PPP1R12B: variants seen among roughly 807,000 people sequenced by gnomAD.
PPP1R12B encodes the protein protein phosphatase 1 regulatory subunit 12B, also known as myosin phosphatase target subunit 2.
PPP1R12B carries 76 observed loss-of-function variants against 126.1 expected under a neutral mutation model. The ratio of observed to expected loss-of-function variants is 0.60; its 90% confidence interval spans 0.50 to 0.73. PPP1R12B has a LOEUF of 0.73. Among genes scored for constraint, PPP1R12B ranks in the 30% least tolerant of loss-of-function variants. The pLI, the probability that PPP1R12B is intolerant of heterozygous loss-of-function variation, is 0.00. For missense variants in PPP1R12B, 1,052 were observed against 1,205.1 expected (o/e 0.87, Z 1.88); for synonymous variants, 356 against 434.7 (o/e 0.82, Z 2.25).
chr1:202,538,368 A>G (rs1166444838), intron 18 of PPP1R12B, among the ~76,000 whole-genome samples: 1 of 152,222 alleles, frequency 6.6e-6, no homozygotes, highest in Non-Finnish European at 1.5e-5. Context: ...AAGATGGAAT[A>G]ATTTCCAGGA....
chr1:202,501,952 G>A (rs1680266938), intron 18 of PPP1R12B: 1 of 985,556 alleles, frequency 1.0e-6, no homozygotes, highest in African/African-American at 1.7e-5. Flanking sequence ...CCTACTCAGA[G>A]TATCAAGATT....
At chr1:202,439,681 T>G in intron 10 of PPP1R12B, 1 of 640,576 alleles carries the variant, frequency 1.6e-6, no homozygotes. Context: ...TTCTCCAAGT[T>G]GGAGGCAGCA....
At chr1:202,429,571 A>T (rs1340792093) in intron 6 of PPP1R12B, among the ~76,000 whole-genome samples, 2 of 152,158 alleles carry the variant, frequency 1.3e-5, no homozygotes, top group Admixed American at 6.5e-5. Flanking sequence ...TTTTGTTCAG[A>T]CTGCAGAATG....
intron 18 of PPP1R12B, among the ~76,000 whole-genome samples, chr1:202,517,756 G>A (rs567301969): frequency 6.6e-6 from 1 of 152,056 alleles, no homozygotes; most frequent in Admixed American, 6.5e-5. Flanking sequence ...CTCTCAAGTA[G>A]CTGGGATTAC....
At chr1:202,527,670 A>G (rs1683488554) in intron 18 of PPP1R12B, among the ~76,000 whole-genome samples, 2 of 152,192 alleles carry the variant, frequency 1.3e-5, no homozygotes, top group African/African-American at 4.8e-5. Context: ...AAGAAATTTA[A>G]TCATACTTAA....
chr1:202,521,316 C>CA (rs1320827747), intron 18 of PPP1R12B, among the ~76,000 whole-genome samples: 2 of 151,914 alleles, frequency 1.3e-5, no homozygotes, highest in Non-Finnish European at 1.5e-5. Flanking sequence ...ATTGAGCCCC[C>CA]AAAACATTAC....
chr1:202,430,731 C>A lies in PPP1R12B; in HGVS notation c.922C>A (p.Leu308Ile). 6.2e-7 allele frequency: 1 copy of A among 1,611,864 alleles called. No individual in the cohort carries two copies. Among genetic ancestry groups the A allele is most frequent in the South Asian group, 1.1e-5 (1 of 90,712 alleles). ...LELLQKKQNV[L>I]RSEKETRNKL... is the part of the protein sequence containing the mutation. Reference sequence around the variant, plus strand: ...TTCTCTCTGTTTTCTCCATTTCCAGCTTCGAAGTGAAAAGGAGACACGGAA... The same window carrying A: ...TTCTCTCTGTTTTCTCCATTTCCAGATTCGAAGTGAAAAGGAGACACGGAA... The change falls in exon 7 of 24, where the codon CTT (leucine) becomes ATT (isoleucine). Residue 308 changes from leucine (L) to isoleucine (I), a missense_variant and splice_region_variant. By Grantham distance (5) the Leu-to-Ile change is conservative. Coordinates refer to ENST00000608999, the MANE Select transcript of PPP1R12B (RefSeq NM_002481.4).
intron 18 of PPP1R12B, among the ~76,000 whole-genome samples, chr1:202,535,178 A>G (rs1684416016): frequency 6.6e-6 from 1 of 152,058 alleles, no homozygotes; most frequent in Admixed American, 6.6e-5. Context: ...GAACTTGATC[A>G]TATCAGTCAG....
intron 18 of PPP1R12B, among the ~76,000 whole-genome samples, chr1:202,511,239 C>T (rs1681465795): frequency 6.7e-6 from 1 of 149,976 alleles, no homozygotes; most frequent in African/African-American, 2.5e-5. Context: ...TTTTTTGAGA[C>T]AGAGTCTCCT....
intron 23 of PPP1R12B, among the ~76,000 whole-genome samples, chr1:202,571,120 T>C (rs1012546023): frequency 6.6e-6 from 1 of 152,120 alleles, no homozygotes; most frequent in Admixed American, 6.5e-5. Context: ...ATTAGAGAAA[T>C]TGAGGCCCTT....
At chr1:202,529,271 TTTCA>T (rs1211946239) in intron 18 of PPP1R12B, among the ~76,000 whole-genome samples, 2 of 151,868 alleles carry the variant, frequency 1.3e-5, no homozygotes, top group East Asian at 3.9e-4. Context: ...AGGAAGAGTC[TTTCA>T]TATACTCTTC....
At chr1:202,567,550 T>C in intron 21 of PPP1R12B, 1 of 537,980 alleles carries the variant, frequency 1.9e-6, no homozygotes, top group East Asian at 3.0e-5. Context: ...CAGGGAATAC[T>C]ACTACTGCCT....
rs1571952356 is a variant in PPP1R12B, at chr1:202,425,426, A to G, written c.542-140A>G. ...TGTGTACAAATGCCATTGATCTTCTAAATTTGATAATTACCCAACTTGATG... is the reference window on the plus strand; with the variant it reads ...TGTGTACAAATGCCATTGATCTTCTGAATTTGATAATTACCCAACTTGATG... On this transcript the variant is annotated intron_variant, in intron 3 of 23. Coordinates refer to ENST00000608999, the MANE Select transcript of PPP1R12B (RefSeq NM_002481.4). 7.6e-6 allele frequency: 7 copies of G among 920,262 alleles called. No individual in the cohort carries two copies. The East Asian group carries it at 1.7e-4, about 22-fold the overall frequency. 57.0% of individuals were successfully genotyped at this position (920,262 alleles called of 1,614,324 possible).
chr1:202,589,407 G>A lies in PPP1R12B; in HGVS notation c.*8847G>A, dbSNP rs570318929. ...GGAGGGAAGATTCTTCTCCCCTGAT[G>A]TCACCCAGCTGTTTGTAACCCAAGC... is the stretch of plus-strand genomic sequence containing the variant. On this transcript the variant is annotated 3_prime_UTR_variant, in exon 24 of 24. Coordinates refer to ENST00000608999, the MANE Select transcript of PPP1R12B (RefSeq NM_002481.4). The A allele has an allele frequency of 6.6e-6, 1 of 152,298 alleles. No individual in the cohort carries two copies. The highest frequency in any genetic ancestry group is 2.1e-4 in the South Asian group (1 of 4,822). 9.4% of individuals were successfully genotyped at this position (152,298 alleles called of 1,614,324 possible).
chr1:202,504,307 C>T (rs1172410588), intron 18 of PPP1R12B, among the ~76,000 whole-genome samples: 3 of 152,016 alleles, frequency 2.0e-5, no homozygotes, highest in East Asian at 1.9e-4. Context: ...GCATGAGAAT[C>T]GCTTGAACCC....
chr1:202,365,972 C>T (rs1290414370), intron 1 of PPP1R12B, among the ~76,000 whole-genome samples: 1 of 150,800 alleles, frequency 6.6e-6, no homozygotes, highest in East Asian at 2.0e-4. Context: ...CCTGGGTGAC[C>T]GAGCAAGACC....
intron 13 of PPP1R12B, among the ~76,000 whole-genome samples, chr1:202,458,667 T>G (rs1673940456): frequency 6.6e-6 from 1 of 152,132 alleles, no homozygotes; most frequent in Admixed American, 6.5e-5. Context: ...AAGCATAAAC[T>G]GAAAGAAAAA....
At chr1:202,568,169 TACACAC>T (rs112151278) in intron 22 of PPP1R12B, among the ~76,000 whole-genome samples, 6 of 147,358 alleles carry the variant, frequency 4.1e-5, no homozygotes, top group African/African-American at 1.0e-4. Flanking sequence ...AATCATTGCA[TACACAC>T]ACACACACAC....
chr1:202,466,748 G>A (rs1675043078), intron 13 of PPP1R12B, among the ~76,000 whole-genome samples: 1 of 152,076 alleles, frequency 6.6e-6, no homozygotes, highest in Admixed American at 6.6e-5. Context: ...TATTGTTATA[G>A]GCATGTATTT....
Sources: gnomAD v4.1 joint callset for allele counts (sites outside exome capture counted in the v4.1 genomes callset) on GRCh38, gnomAD v4.1.1 for gene constraint, MANE v1.5 for transcripts, NCBI Gene and HGNC (gene_info 2026-07-23, HGNC 2026-07-21) for gene names.